Variants in LIMCH1 observed in about 807,000 individuals in gnomAD.
The protein encoded by LIMCH1 is LIM and calponin homology domains 1, also known as LIM and calponin homology domains-containing protein 1.
In LIMCH1, 113 loss-of-function variants were observed where a neutral mutation model predicts 176.5. That is an observed-to-expected ratio of 0.64 (90% CI 0.55 to 0.75). The LOEUF (loss-of-function observed/expected upper bound fraction) is 0.75. Ranked by LOEUF, LIMCH1 falls within the 30% of genes least tolerant of loss-of-function variation. The pLI is 0.00. For missense variants in LIMCH1, 1,674 were observed against 1,814.9 expected, an observed-to-expected ratio of 0.92 and a Z score of 1.41; for synonymous variants, 619 against 645.9, an observed-to-expected ratio of 0.96 and a Z score of 0.63.
At chr4:41,532,010 C>T (rs1042514352) in intron 3 of LIMCH1, among the ~76,000 whole-genome samples, 2 of 152,136 alleles carry the variant, frequency 1.3e-5, no homozygotes, top group African/African-American at 4.8e-5. Flanking sequence ...TATCCTCATC[C>T]CTGGCACAGT....
chr4:41,381,897 G>T (rs1290810012), intron 1 of LIMCH1, among the ~76,000 whole-genome samples: 3 of 152,092 alleles, frequency 2.0e-5, no homozygotes, highest in Non-Finnish European at 4.4e-5. Context: ...GTTCATTTTA[G>T]GATGGTTAGC....
At chr4:41,645,388 C>T (rs909216189) in intron 15 of LIMCH1, among the ~76,000 whole-genome samples, 5 of 152,320 alleles carry the variant, frequency 3.3e-5, no homozygotes, top group Non-Finnish European at 7.3e-5. Flanking sequence ...TACTATGTGC[C>T]TGGCACCTTA....
chr4:41,414,837 A>T (rs1019081099), intron 1 of LIMCH1, among the ~76,000 whole-genome samples: 1 of 152,216 alleles, frequency 6.6e-6, no homozygotes, highest in Non-Finnish European at 1.5e-5. Context: ...TTGTACACGT[A>T]TTGTGGTCAC....
chr4:41,469,275 G>A (rs2154158067), intron 1 of LIMCH1, among the ~76,000 whole-genome samples: 1 of 152,316 alleles, frequency 6.6e-6, no homozygotes, highest in East Asian at 1.9e-4. Flanking sequence ...TTCTTCAGGG[G>A]AAACAGATCT....
intron 1 of LIMCH1, among the ~76,000 whole-genome samples, chr4:41,382,857 T>G (rs1041629571): frequency 6.6e-6 from 1 of 152,146 alleles, no homozygotes; most frequent in Non-Finnish European, 1.5e-5. Flanking sequence ...AGTGGCACAA[T>G]CTTGGCTCAC....
intron 1 of LIMCH1, among the ~76,000 whole-genome samples, chr4:41,429,212 T>C (rs1418629139): frequency 1.3e-5 from 2 of 152,238 alleles, no homozygotes; most frequent in Admixed American, 1.3e-4. Flanking sequence ...TTTTGTTTTT[T>C]GGTTTGCTTT....
intron 6 of LIMCH1, 187 bp from the exon 7 acceptor site, chr4:41,620,237 C>A (rs1191575741): frequency 5.1e-6 from 3 of 584,526 alleles, no homozygotes; most frequent in Non-Finnish European, 8.7e-6. Context: ...CTCAATGTTG[C>A]GGGTATGATG....
chr4:41,377,904 G>A (rs907992797), intron 1 of LIMCH1, among the ~76,000 whole-genome samples: 54 of 152,132 alleles, frequency 3.5e-4, no homozygotes, highest in African/African-American at 1.3e-3. Context: ...AATCATGAGG[G>A]CAGAATGCTC....
At chr4:41,677,078 G>A (rs192577467) in intron 23 of LIMCH1, among the ~76,000 whole-genome samples, 18 of 151,844 alleles carry the variant, frequency 1.2e-4, no homozygotes, top group South Asian at 8.4e-4. Flanking sequence ...CAGAAGAATC[G>A]CTTGAACTCA....
At chr4:41,425,369 C>T (rs940649712) in intron 1 of LIMCH1, among the ~76,000 whole-genome samples, 9 of 152,118 alleles carry the variant, frequency 5.9e-5, no homozygotes, top group Admixed American at 2.0e-4. Flanking sequence ...TTTTTAAAGA[C>T]GGAGTCTCAC....
Position 41,699,001 on chromosome 4 carries a change from GAAAA to G in LIMCH1, c.*1819_*1822del, listed in dbSNP as rs1732076892. On this transcript the variant is annotated 3_prime_UTR_variant, in exon 32 of 32. Transcript: ENST00000503057. The stretch of plus-strand genomic sequence containing the variant: ...AAATAAAAATAAAAAAAGAAAAAAA[GAAAA>G]AATTAAAAAGAAAAATTGTTTTGAA... The G allele has an allele frequency of 6.6e-6, 1 of 151,664 alleles. No homozygotes were observed. Among genetic ancestry groups the G allele is most frequent in the Non-Finnish European group, 1.5e-5 (1 of 67,616 alleles). 9.4% of individuals were successfully genotyped at this position (151,664 alleles called of 1,614,324 possible).
chr4:41,600,287 T>C (rs2089684799), intron 2 of LIMCH1, among the ~76,000 whole-genome samples: 1 of 152,188 alleles, frequency 6.6e-6, no homozygotes, highest in Non-Finnish European at 1.5e-5. Context: ...CCATTTATTA[T>C]TGTACTTAAA....
At chr4:41,507,531 G>A (rs995545357) in intron 2 of LIMCH1, among the ~76,000 whole-genome samples, 3 of 152,146 alleles carry the variant, frequency 2.0e-5, no homozygotes, top group Admixed American at 2.0e-4. Flanking sequence ...AAATATCAGA[G>A]TAAAAAAATG....
At chr4:41,685,281 A>G (rs1482678661) in intron 27 of LIMCH1, among the ~76,000 whole-genome samples, 4 of 152,130 alleles carry the variant, frequency 2.6e-5, no homozygotes, top group Admixed American at 2.6e-4. Context: ...CGTGTTCCCA[A>G]ATGGAGATAT....
chr4:41,463,182 A>C (rs891336235), intron 1 of LIMCH1, among the ~76,000 whole-genome samples: 8 of 148,698 alleles, frequency 5.4e-5, no homozygotes, highest in Admixed American at 4.0e-4. Context: ...AAAAAAAAAA[A>C]CTCTGAAGTT....
chr4:41,554,765 T>C lies in LIMCH1; in HGVS notation c.-241+16415T>C, dbSNP rs555854142. On this transcript the variant is annotated intron_variant, in intron 1 of 31. Transcript: ENST00000503057. ...ATGCCTAGTCCTTGAACCGTGTCAATTGGGTTTTGTAAAGGGTCTTTGAAG... is the reference window on the plus strand; with the variant it reads ...ATGCCTAGTCCTTGAACCGTGTCAACTGGGTTTTGTAAAGGGTCTTTGAAG... 2.0e-5 allele frequency among the ~76,000 whole-genome samples: 3 copies of C among 152,302 alleles called. 1 individual carries two copies. Among genetic ancestry groups the C allele is most frequent in the African/African-American group, 4.8e-5 (2 of 41,582 alleles).
At chr4:41,580,047 A>G (rs1366496661) in intron 1 of LIMCH1, among the ~76,000 whole-genome samples, 1 of 152,176 alleles carries the variant, frequency 6.6e-6, no homozygotes, top group Non-Finnish European at 1.5e-5. Flanking sequence ...TACAATTTAC[A>G]TTTGACACAC....
chr4:41,631,092 AC>A (rs57909056), intron 9 of LIMCH1, 55 bp from the exon 10 acceptor site: 47 of 1,332,162 alleles, frequency 3.5e-5, no homozygotes, highest in African/African-American at 3.0e-4. Context: ...TTTTTTAAAA[AC>A]CTCTTATTGA....
chr4:41,488,819 T>G (rs2070201241), intron 1 of LIMCH1, among the ~76,000 whole-genome samples: 1 of 152,188 alleles, frequency 6.6e-6, no homozygotes, highest in Non-Finnish European at 1.5e-5. Context: ...GGTTTCGATA[T>G]CAGGGTAATA....
Sources: gnomAD v4.1 joint callset for allele counts (sites outside exome capture counted in the v4.1 genomes callset) on GRCh38, gnomAD v4.1.1 for gene constraint, MANE v1.5 for transcripts, NCBI Gene and HGNC (gene_info 2026-07-23, HGNC 2026-07-21) for gene names.